Variants in KLHL1 observed in about 807,000 individuals in gnomAD.
KLHL1 encodes the protein kelch like family member 1, also known as kelch-like protein 1.
In KLHL1, 47 loss-of-function variants were observed where a neutral mutation model predicts 77.7. That is an observed-to-expected ratio of 0.60 (90% CI 0.48 to 0.77). The LOEUF (loss-of-function observed/expected upper bound fraction) is 0.77. Among genes scored for constraint, KLHL1 ranks in the 30% least tolerant of loss-of-function variants. The pLI, the probability that KLHL1 is intolerant of heterozygous loss-of-function variation, is 0.00. For synonymous variants in KLHL1, 360 were observed against 325.2 expected (o/e 1.11, Z -1.15); for missense variants, 925 against 910.8 (o/e 1.02, Z -0.20).
In KLHL1 at chr13:70,075,666, TGTGTGTATATATATATACACACAC is replaced by T. The variant is rs1221735958; in HGVS notation, c.497+31513_497+31536del. Among the ~76,000 whole-genome samples the T allele has an allele frequency of 9.1e-5, 13 of 143,370 alleles. No individual in the cohort carries two copies. The East Asian group carries it at 1.2e-3, about 13-fold the overall frequency. 94.1% of individuals were successfully genotyped at this position (143,370 alleles called of 152,430 possible). On this transcript the variant is annotated intron_variant, in intron 1 of 10. Coordinates refer to ENST00000377844, the MANE Select transcript of KLHL1 (RefSeq NM_020866.3). ...GGACTTTTATATATATACCTATGTG[TGTGTGTATATATATATACACACAC>T]GTGTGTATATATGAAAATTAAACCT... is the stretch of plus-strand genomic sequence containing the variant.
chr13:70,053,178 G>C (rs569928253), intron 1 of KLHL1, among the ~76,000 whole-genome samples: 1 of 152,026 alleles, frequency 6.6e-6, no homozygotes, highest in South Asian at 2.1e-4. Context: ...ATAAGATATA[G>C]GGTCAAGAAA....
At chr13:69,917,764 T>A (rs1407365782) in intron 4 of KLHL1, among the ~76,000 whole-genome samples, 3 of 152,118 alleles carry the variant, frequency 2.0e-5, no homozygotes, top group Non-Finnish European at 4.4e-5. Flanking sequence ...TTTTTTGAAT[T>A]TTGGTATCAC....
intron 10 of KLHL1, among the ~76,000 whole-genome samples, chr13:69,706,513 T>C (rs1425489213): frequency 6.6e-6 from 1 of 151,922 alleles, no homozygotes; most frequent in Non-Finnish European, 1.5e-5. Context: ...TAATCAGGTG[T>C]TCAAGTTCTT....
At position 69,848,908 on chromosome 13, in the gene KLHL1, T is replaced by C. The variant is rs1286111327; in HGVS notation, c.1228-9746A>G. 2.0e-5 allele frequency among the ~76,000 whole-genome samples: 3 copies of C among 151,536 alleles called. No homozygotes were observed. The East Asian group carries it at 5.8e-4, about 29-fold the overall frequency. On this transcript the variant is annotated intron_variant, in intron 5 of 10. Transcript: ENST00000377844. The stretch of plus-strand genomic sequence containing the variant: ...AAGTTCTTATTAGCAACAAGTAAAA[T>C]GGGTTTTGTGATGCTATAATTTTTG...
At chr13:69,920,935 T>C (rs1445363543) in intron 4 of KLHL1, among the ~76,000 whole-genome samples, 1 of 152,204 alleles carries the variant, frequency 6.6e-6, no homozygotes, top group Admixed American at 6.5e-5. Flanking sequence ...TGCTAACTTC[T>C]ATCCTGTTTT....
intron 6 of KLHL1, among the ~76,000 whole-genome samples, chr13:69,836,604 T>C (rs1879000422): frequency 2.0e-5 from 3 of 152,070 alleles, no homozygotes; most frequent in African/African-American, 7.2e-5. Context: ...AAGGCAATTT[T>C]CTGTTACTCT....
intron 7 of KLHL1, among the ~76,000 whole-genome samples, chr13:69,763,516 C>G (rs1875121934): frequency 6.6e-6 from 1 of 152,150 alleles, no homozygotes; most frequent in Admixed American, 6.6e-5. Context: ...ATCAAATGCG[C>G]TCTCTTTGAC....
chr13:70,039,056 ATT>A (rs35184766), intron 1 of KLHL1, among the ~76,000 whole-genome samples: 25,962 of 123,784 alleles, frequency 0.21, 1,261 homozygotes, highest in African/African-American at 0.33. Flanking sequence ...TCCTTTGCAC[ATT>A]TTTTTTTTTT....
intron 1 of KLHL1, among the ~76,000 whole-genome samples, chr13:70,069,326 T>C (rs1278091497): frequency 6.6e-6 from 1 of 152,210 alleles, no homozygotes; most frequent in Non-Finnish European, 1.5e-5. Flanking sequence ...AGAAGGAGTC[T>C]TAGCCAGTGA....
At chr13:69,968,769 T>C (rs1331746292) in intron 2 of KLHL1, among the ~76,000 whole-genome samples, 1 of 152,122 alleles carries the variant, frequency 6.6e-6, no homozygotes, top group Non-Finnish European at 1.5e-5. Flanking sequence ...TATGGCTGCA[T>C]AGTATTCCAT....
At chr13:69,702,111 A>G (rs1055557408) in intron 10 of KLHL1, among the ~76,000 whole-genome samples, 5 of 151,702 alleles carry the variant, frequency 3.3e-5, no homozygotes, top group Non-Finnish European at 5.9e-5. Context: ...GATAGCTTGG[A>G]GTATATTTTA....
chr13:69,961,295 T>C lies in KLHL1; in HGVS notation c.817+13A>G. 1.9e-6 allele frequency: 3 copies of C among 1,602,210 alleles called. No homozygotes were observed. The highest frequency in any genetic ancestry group is 2.6e-6 in the Non-Finnish European group (3 of 1,172,784). On this transcript the variant is annotated intron_variant, in intron 3 of 10. Coordinates refer to ENST00000377844, the MANE Select transcript of KLHL1 (RefSeq NM_020866.3). ...TAAGACATCAGAATGATGTTATAAT[T>C]ATTTTGCCATACCTGTATATGCAAA...
At chr13:69,727,843 T>A (rs1450934411) in intron 8 of KLHL1, among the ~76,000 whole-genome samples, 1 of 151,820 alleles carries the variant, frequency 6.6e-6, no homozygotes, top group Non-Finnish European at 1.5e-5. Flanking sequence ...TGAAAACACA[T>A]CACTGCTCTT....
At chr13:70,081,606 C>G (rs1346310322) in intron 1 of KLHL1, among the ~76,000 whole-genome samples, 1 of 152,164 alleles carries the variant, frequency 6.6e-6, no homozygotes, top group Non-Finnish European at 1.5e-5. Context: ...CAGCTCATTT[C>G]TTCCAATCTA....
chr13:70,030,440 C>T (rs1886068199), intron 1 of KLHL1, among the ~76,000 whole-genome samples: 2 of 152,164 alleles, frequency 1.3e-5, no homozygotes, highest in Admixed American at 1.3e-4. Context: ...TTAAGAAACT[C>T]ACTCAAAACC....
At chr13:69,986,836 C>T (rs1028787638) in intron 1 of KLHL1, among the ~76,000 whole-genome samples, 3 of 151,868 alleles carry the variant, frequency 2.0e-5, no homozygotes, top group African/African-American at 7.2e-5. Context: ...ATAACCTAAA[C>T]TTCTGACATA....
In KLHL1 at chr13:70,019,740, T is replaced by G. The variant is rs116091140; in HGVS notation, c.498-43938A>C. Among the ~76,000 whole-genome samples the G allele has an allele frequency of 4.0e-3, 614 of 152,262 alleles. 5 individuals are homozygous for G. Among genetic ancestry groups the G allele is most frequent in the African/African-American group, 0.014 (567 of 41,560 alleles). ...TGACTTCATGCCTTTATCCATATAT[T>G]ATACTGTCTCTTGAATACTAAAAAT... On this transcript the variant is annotated intron_variant, in intron 1 of 10. Transcript: ENST00000377844.
intron 1 of KLHL1, among the ~76,000 whole-genome samples, chr13:70,076,794 A>G (rs1346769188): frequency 2.0e-5 from 3 of 151,998 alleles, no homozygotes; most frequent in Non-Finnish European, 2.9e-5. Context: ...CAACAATGAG[A>G]AAAAGAAACA....
chr13:69,922,195 C>T (rs1272760556), intron 4 of KLHL1, among the ~76,000 whole-genome samples: 1 of 152,074 alleles, frequency 6.6e-6, no homozygotes, highest in Non-Finnish European at 1.5e-5. Flanking sequence ...GATTCTCCTG[C>T]CTTGGCCTGC....
Sources: allele counts gnomAD v4.1 joint callset (sites outside exome capture counted in the v4.1 genomes callset), GRCh38; gene constraint gnomAD v4.1.1; transcripts MANE v1.5; gene names NCBI Gene and HGNC (gene_info 2026-07-23, HGNC 2026-07-21).